THSD7B: variants seen among roughly 807,000 people sequenced by gnomAD.
The protein encoded by THSD7B is thrombospondin type-1 domain-containing protein 7B.
Under a neutral mutation model 213.6 loss-of-function variants are expected in THSD7B, and 138 were observed. That is an observed-to-expected ratio of 0.65 (90% CI 0.56 to 0.74). The LOEUF is 0.74. Ranked by LOEUF, THSD7B falls within the 30% of genes least tolerant of loss-of-function variation. THSD7B has a pLI of 0.00. For synonymous variants in THSD7B, 742 were observed against 687.0 expected (o/e 1.08, Z -1.25); for missense variants, 1,931 against 1,991.5 (o/e 0.97, Z 0.58).
intron 15 of THSD7B, among the ~76,000 whole-genome samples, chr2:137,541,134 C>T (rs374546864): frequency 2.4e-4 from 37 of 151,794 alleles, no homozygotes; most frequent in African/African-American, 8.0e-4. Context: ...CATCATTATA[C>T]ATGACAAACA....
chr2:137,610,982 T>C (rs1202477438), intron 17 of THSD7B, among the ~76,000 whole-genome samples: 1 of 147,320 alleles, frequency 6.8e-6, no homozygotes, highest in Non-Finnish European at 1.5e-5. Context: ...ACCCTAAAAC[T>C]TAAAGTATAA....
chr2:137,538,427 T>C (rs951445330), intron 15 of THSD7B: 2 of 496,904 alleles, frequency 4.0e-6, no homozygotes, highest in Non-Finnish European at 7.9e-6. Context: ...GTTCCACTAA[T>C]GCATATATAA....
At chr2:136,816,614 C>A (rs1573651795) in intron 1 of THSD7B, among the ~76,000 whole-genome samples, 1 of 152,202 alleles carries the variant, frequency 6.6e-6, no homozygotes, top group South Asian at 2.1e-4. Flanking sequence ...CTGGTAATTT[C>A]TTTAGGATAG....
intron 2 of THSD7B, among the ~76,000 whole-genome samples, chr2:136,977,255 G>A (rs1685496280): frequency 6.6e-6 from 1 of 152,040 alleles, no homozygotes; most frequent in Non-Finnish European, 1.5e-5. Context: ...TTCTCTGATG[G>A]TTATTTGTAC....
chr2:137,613,769 T>C (rs1682330305), intron 17 of THSD7B, among the ~76,000 whole-genome samples: 1 of 152,156 alleles, frequency 6.6e-6, no homozygotes, highest in Admixed American at 6.6e-5. Flanking sequence ...AAAGAAATCA[T>C]CCAGATAGAT....
chr2:137,345,425 A>T (rs1354739316), intron 12 of THSD7B, among the ~76,000 whole-genome samples: 1 of 151,634 alleles, frequency 6.6e-6, no homozygotes, highest in Non-Finnish European at 1.5e-5. Context: ...TGCATTTGTG[A>T]GGAGAAAAAA....
At chr2:137,223,069 C>T (rs1681407119) in intron 7 of THSD7B, among the ~76,000 whole-genome samples, 1 of 152,152 alleles carries the variant, frequency 6.6e-6, no homozygotes. Context: ...AGCTGCTACC[C>T]ACCCTCCAAA....
intron 4 of THSD7B, among the ~76,000 whole-genome samples, chr2:137,100,648 G>C (rs548134347): frequency 1.3e-5 from 2 of 152,170 alleles, no homozygotes; most frequent in African/African-American, 4.8e-5. Context: ...ACCAAACATT[G>C]AAGGAATAAA....
chr2:137,348,703 CTTTT>C (rs80150345), intron 12 of THSD7B, among the ~76,000 whole-genome samples: 1 of 110,934 alleles, frequency 9.0e-6, no homozygotes, highest in Non-Finnish European at 1.8e-5. Context: ...CTATGAACTC[CTTTT>C]TTTTTTTTTT....
At chr2:136,811,534 A>C (rs942779303) in intron 1 of THSD7B, among the ~76,000 whole-genome samples, 1 of 152,124 alleles carries the variant, frequency 6.6e-6, no homozygotes, top group African/African-American at 2.4e-5. Context: ...ATTTATCATG[A>C]AAATTTCTTT....
intron 12 of THSD7B, among the ~76,000 whole-genome samples, chr2:137,360,156 G>A (rs1685221784): frequency 6.6e-6 from 1 of 152,182 alleles, no homozygotes; most frequent in African/African-American, 2.4e-5. Context: ...CTCATAACTT[G>A]TGAAATATAG....
At chr2:136,825,718 A>ATTTTTTTTTTGTTTGTTTTTTTTTT (rs1553451022) in intron 1 of THSD7B, among the ~76,000 whole-genome samples, 1 of 116,896 alleles carries the variant, frequency 8.6e-6, no homozygotes, top group Non-Finnish European at 1.7e-5. Context: ...TGCCTGGCTA[A>ATTTTTTTTTTGTTTGTTTTTTTTTT]TTTTTTTTTT....
chr2:137,617,516 A>C (rs1205375799), intron 18 of THSD7B, among the ~76,000 whole-genome samples: 1 of 152,232 alleles, frequency 6.6e-6, no homozygotes, highest in East Asian at 1.9e-4. Flanking sequence ...TTTCTGTAAC[A>C]GTCCATACAG....
At chr2:137,262,683 T>C (rs981706586) in intron 10 of THSD7B, among the ~76,000 whole-genome samples, 1 of 152,186 alleles carries the variant, frequency 6.6e-6, no homozygotes, top group Non-Finnish European at 1.5e-5. Flanking sequence ...TTCTATTGCT[T>C]GGTTAAGCAT....
chr2:137,191,186 C>T (rs1257601533), intron 7 of THSD7B, among the ~76,000 whole-genome samples: 2 of 152,176 alleles, frequency 1.3e-5, no homozygotes, highest in Admixed American at 1.3e-4. Flanking sequence ...GTATTGCTGC[C>T]TTTATTCCCT....
Position 136,914,854 on chromosome 2 carries a change from G to C in THSD7B, c.139+32537G>C, listed in dbSNP as rs150312600. On this transcript the variant is annotated intron_variant, in intron 2 of 27. Transcript: ENST00000409968. Reference sequence around the variant, plus strand: ...ATAAGACAGAATTAAAATGAATTATGTGAAATGTTGTGATCAGTGTCTATT... The same window carrying C: ...ATAAGACAGAATTAAAATGAATTATCTGAAATGTTGTGATCAGTGTCTATT... Among the ~76,000 whole-genome samples, 1,177 of 152,222 alleles carry C rather than the reference G, an allele frequency of 7.7e-3. 8 individuals are homozygous for C. The highest frequency in any genetic ancestry group is 0.013 in the Non-Finnish European group (870 of 68,012).
chr2:137,347,490 A>T (rs780468193), intron 12 of THSD7B, among the ~76,000 whole-genome samples: 41 of 151,442 alleles, frequency 2.7e-4, no homozygotes, highest in Non-Finnish European at 5.8e-4. Flanking sequence ...GGTACCAAGC[A>T]CTGGGAACGG....
intron 16 of THSD7B, among the ~76,000 whole-genome samples, chr2:137,569,364 C>T (rs1481313141): frequency 1.3e-5 from 2 of 152,136 alleles, no homozygotes; most frequent in African/African-American, 4.8e-5. Flanking sequence ...TTACTTAAAC[C>T]TCTGTTTACA....
At chr2:136,909,764 C>A (rs1282519130) in intron 2 of THSD7B, among the ~76,000 whole-genome samples, 1 of 152,204 alleles carries the variant, frequency 6.6e-6, no homozygotes, top group Non-Finnish European at 1.5e-5. Flanking sequence ...TCAGTACAAT[C>A]CACACGATGC....
Sources: gnomAD v4.1 joint callset for allele counts (sites outside exome capture counted in the v4.1 genomes callset) on GRCh38, gnomAD v4.1.1 for gene constraint, MANE v1.5 for transcripts, NCBI Gene and HGNC (gene_info 2026-07-23, HGNC 2026-07-21) for gene names.